Variants in FRMPD1 observed in about 807,000 individuals in gnomAD.
The protein encoded by FRMPD1 is FERM and PDZ domain containing 1.
FRMPD1 carries 76 observed loss-of-function variants against 117.8 expected under a neutral mutation model. The ratio of observed to expected loss-of-function variants is 0.65; its 90% CI spans 0.54 to 0.78. The LOEUF is 0.78. Among genes scored for constraint, FRMPD1 ranks in the 30% least tolerant of loss-of-function variants. The pLI is 0.00. For missense variants in FRMPD1, 1,786 were observed against 1,964.5 expected, an observed-to-expected ratio of 0.91 and a Z score of 1.72; for synonymous variants, 783 against 770.4, an observed-to-expected ratio of 1.02 and a Z score of -0.27.
the FRMPD1 span, among the ~76,000 whole-genome samples, chr9:37,638,708 AC>A: frequency 6.6e-6 from 1 of 152,198 alleles, no homozygotes; most frequent in Non-Finnish European, 1.5e-5. Flanking sequence ...TGGTGGGCTT[AC>A]TAAAAATTCT....
intron 6 of FRMPD1, among the ~76,000 whole-genome samples, chr9:37,722,303 T>C (rs751310210): frequency 8.0e-5 from 12 of 149,730 alleles, no homozygotes; most frequent in Non-Finnish European, 1.2e-4. Context: ...GGTGAGACTC[T>C]GTCAAAAAAA....
At chr9:37,610,310 CT>C in the FRMPD1 span, among the ~76,000 whole-genome samples, 9 of 151,980 alleles carry the variant, frequency 5.9e-5, no homozygotes, top group African/African-American at 2.2e-4. Flanking sequence ...ATTTTTGTCT[CT>C]TTTTTTTACT....
the FRMPD1 span, among the ~76,000 whole-genome samples, chr9:37,626,364 G>A: frequency 1.1e-4 from 16 of 151,604 alleles, no homozygotes; most frequent in Non-Finnish European, 1.8e-4. Flanking sequence ...AATTAGCTGG[G>A]CGTTGTGGCA....
At chr9:37,682,738 G>A (rs150889975) in intron 1 of FRMPD1, among the ~76,000 whole-genome samples, 19 of 152,190 alleles carry the variant, frequency 1.2e-4, no homozygotes, top group African/African-American at 3.9e-4. Flanking sequence ...ATGCTTATAG[G>A]GTTTTACTAA....
In FRMPD1 at chr9:37,740,619, G is replaced by A; in HGVS notation, c.2091G>A (p.Arg697=). 1 of 1,614,168 alleles carries A rather than the reference G, an allele frequency of 6.2e-7. No individual in the cohort carries two copies. Among genetic ancestry groups the A allele is most frequent in the Non-Finnish European group, 8.5e-7 (1 of 1,179,996 alleles). ...TGAGCACAGTCAGGCTGGACCCCAG[G>A]CTGTATGAAGGCAGCCACGCTGACT... ...PELSTVRLDP[R]LYEGSHADYY... The change falls in exon 15 of 16, where the codon AGG becomes AGA. Residue 697 remains arginine (R), a synonymous_variant. Transcript: ENST00000377765. The surrounding 1 kb of genome is among the most constrained non-coding windows in gnomAD (Gnocchi z 4.2).
At chr9:37,734,699 A>G (rs1042874426) in intron 12 of FRMPD1, among the ~76,000 whole-genome samples, 1 of 152,210 alleles carries the variant, frequency 6.6e-6, no homozygotes, top group African/African-American at 2.4e-5. Flanking sequence ...AACAATGTAG[A>G]TGGAAGAAGA....
At chr9:37,739,997 T>G (rs1588972178) in intron 14 of FRMPD1, 81 bp from the exon 15 acceptor site, 11 of 1,032,146 alleles carry the variant, frequency 1.1e-5, no homozygotes, top group Non-Finnish European at 1.6e-5. Flanking sequence ...TCTGGCAGGG[T>G]TGGGTGGGGG....
chr9:37,705,615 G>C (rs948371457), intron 2 of FRMPD1, among the ~76,000 whole-genome samples: 1 of 151,774 alleles, frequency 6.6e-6, no homozygotes, highest in East Asian at 1.9e-4. Context: ...GTTGATTTTT[G>C]ACTTTTAGTA....
At chr9:37,658,918 G>C (rs892613626) in intron 1 of FRMPD1, among the ~76,000 whole-genome samples, 1 of 152,218 alleles carries the variant, frequency 6.6e-6, no homozygotes, top group African/African-American at 2.4e-5. Context: ...CCAGGCTGGA[G>C]TGCAGTGGCA....
At position 37,740,867 on chromosome 9, in the gene FRMPD1, C is replaced by T; in HGVS notation, c.2339C>T (p.Pro780Leu). ...EYYDAADKLT[P>L]PGPPSGPRDV... Reference sequence around the variant, plus strand: ...TATGACGCGGCTGATAAGCTCACTCCCCCAGGCCCCCCGTCAGGTGAGCCG... The same window carrying T: ...TATGACGCGGCTGATAAGCTCACTCTCCCAGGCCCCCCGTCAGGTGAGCCG... Residue 780 changes from proline to leucine, a missense_variant, in exon 15 of 16, where the codon CCC (proline) becomes CTC (leucine). Physicochemically the swap from Pro to Leu is moderately conservative, Grantham distance 98. Coordinates refer to ENST00000377765, the MANE Select transcript of FRMPD1 (RefSeq NM_014907.3). The surrounding 1 kb of genome is among the most constrained non-coding windows in gnomAD (Gnocchi z 4.2). 1 of 1,613,916 alleles carries T rather than the reference C, an allele frequency of 6.2e-7. No homozygotes were observed. The highest frequency in any genetic ancestry group is 8.5e-7 in the Non-Finnish European group (1 of 1,179,790).
chr9:37,637,394 G>A, the FRMPD1 span: 6 of 685,058 alleles, frequency 8.8e-6, no homozygotes, highest in South Asian at 4.7e-5. Flanking sequence ...AGAAATTAAA[G>A]TAAAATTGCA....
chr9:37,720,139 G>A (rs1041549958), intron 6 of FRMPD1, among the ~76,000 whole-genome samples: 2 of 152,168 alleles, frequency 1.3e-5, no homozygotes, highest in African/African-American at 4.8e-5. Flanking sequence ...ACTTAATAGA[G>A]CACACCTTTA....
At chr9:37,637,001 T>A in the FRMPD1 span, 26 of 1,569,868 alleles carry the variant, frequency 1.7e-5, no homozygotes, top group Non-Finnish European at 2.3e-5. Flanking sequence ...CTGCTTCACG[T>A]TGGCATAGGA....
intron 7 of FRMPD1, among the ~76,000 whole-genome samples, chr9:37,729,276 G>T (rs964805676): frequency 6.7e-6 from 1 of 149,352 alleles, no homozygotes; most frequent in African/African-American, 2.5e-5. Flanking sequence ...CCAGCTACTC[G>T]AGAGGCTGAA....
chr9:37,722,450 C>T (rs1823439357), intron 6 of FRMPD1, among the ~76,000 whole-genome samples: 1 of 152,212 alleles, frequency 6.6e-6, no homozygotes, highest in Admixed American at 6.5e-5. Context: ...TCCTGTCGCC[C>T]TGGCTGGAGT....
intron 5 of FRMPD1, among the ~76,000 whole-genome samples, chr9:37,718,486 A>T (rs560776978): frequency 5.3e-5 from 8 of 152,358 alleles, no homozygotes; most frequent in African/African-American, 1.9e-4. Context: ...TCTTCACCAT[A>T]TACTCATACC....
chr9:37,740,365 G>C lies in FRMPD1; in HGVS notation c.1837G>C (p.Glu613Gln), dbSNP rs1489018342. 1.2e-6 allele frequency: 2 copies of C among 1,613,644 alleles called. No homozygotes were observed. The highest frequency in any genetic ancestry group is 1.7e-6 in the Non-Finnish European group (2 of 1,180,030). Residue 613 changes from glutamate to glutamine, a missense_variant, in exon 15 of 16, where the codon GAA becomes CAA. Glu to Gln is a conservative substitution (Grantham distance 29). Coordinates refer to ENST00000377765, the MANE Select transcript of FRMPD1 (RefSeq NM_014907.3). This position sits in a 1 kb window ranked among gnomAD's most constrained non-coding sequence, Gnocchi z 4.2. Reference sequence around the variant, plus strand: ...CTCGAGTGAGTCCATGGACGCTCTGGAAGAGGATGACTTAGACACCTGCTC... The same window carrying C: ...CTCGAGTGAGTCCATGGACGCTCTGCAAGAGGATGACTTAGACACCTGCTC... ...SGSSESMDAL[E>Q]EDDLDTCSSS...
In FRMPD1 at chr9:37,711,347, C is replaced by T. The variant is rs758201420; in HGVS notation, c.363-3C>T. On this transcript the variant is annotated splice_polypyrimidine_tract_variant and splice_region_variant and intron_variant, in intron 4 of 15. Coordinates refer to ENST00000377765, the MANE Select transcript of FRMPD1 (RefSeq NM_014907.3). Reference sequence around the variant, plus strand: ...TTTTTGTCTTTATTCTTTCTTTTTTCAGGGAAGCAGAAGATTCTCTTTCAA... The same window carrying T: ...TTTTTGTCTTTATTCTTTCTTTTTTTAGGGAAGCAGAAGATTCTCTTTCAA... The T allele has an allele frequency of 3.2e-5, 51 of 1,602,016 alleles. No homozygotes were observed. The highest frequency in any genetic ancestry group is 1.6e-4 in the Middle Eastern group (1 of 6,064).
At chr9:37,642,777 TTTAGA>T in the FRMPD1 span, among the ~76,000 whole-genome samples, 1 of 152,226 alleles carries the variant, frequency 6.6e-6, no homozygotes, top group Non-Finnish European at 1.5e-5. Context: ...AATTGGTGTA[TTTAGA>T]TTATTTACAT....
Sources: allele counts gnomAD v4.1 joint callset (sites outside exome capture counted in the v4.1 genomes callset), GRCh38; gene constraint gnomAD v4.1.1; non-coding constraint Gnocchi (gnomAD v3.1); transcripts MANE v1.5; gene names NCBI Gene and HGNC (gene_info 2026-07-23, HGNC 2026-07-21).